The following DHCR24 variants were observed in gnomAD, a reference collection of about 807,000 sequenced individuals.
The protein encoded by DHCR24 is delta(24)-sterol reductase.
In DHCR24, 28 loss-of-function variants were observed where a neutral mutation model predicts 61.2. That is an observed-to-expected ratio of 0.46 (90% CI 0.34 to 0.63). The LOEUF (loss-of-function observed/expected upper bound fraction) is 0.63. Among genes scored for constraint, DHCR24 ranks in the 20% least tolerant of loss-of-function variants. The probability of loss-of-function intolerance (pLI) is 0.01; values close to 1 mark genes in which losing one functional copy is unlikely to be tolerated. For synonymous variants in DHCR24, 261 were observed against 275.9 expected (o/e 0.95, Z 0.54); for missense variants, 538 against 679.1 (o/e 0.79, Z 2.31).
At chr1:54,886,550 C>T in intron 1 of DHCR24, 1 of 1,297,196 alleles carries the variant, frequency 7.7e-7, no homozygotes, top group South Asian at 1.2e-5. Context: ...ACTTCCCAAT[C>T]TCTAGACCCA....
At chr1:54,871,227 G>C (rs1646996755) in intron 5 of DHCR24, 123 bp downstream of exon 5, 3 of 1,133,688 alleles carry the variant, frequency 2.6e-6, no homozygotes, top group South Asian at 1.3e-5. Context: ...TACCCCAGGT[G>C]GGTTGACCCA....
chr1:54,865,571 C>T, intron 5 of DHCR24, 125 bp from the exon 6 acceptor site: 2 of 1,302,734 alleles, frequency 1.5e-6, no homozygotes, highest in Non-Finnish European at 2.2e-6. Flanking sequence ...ATGTCTATTA[C>T]TGCCTTTGAG....
At position 54,854,121 on chromosome 1, in the gene DHCR24, G is replaced by A. The variant is rs770715776; in HGVS notation, c.1134C>T (p.Tyr378=). The part of the protein sequence containing the change: ...LTQGETLRKL[Y]EQHHVVQDML... ...TGTCCTGCACCACGTGGTGCTGCTCGTACAGCTTGCGCAGGGTCTCACCCT... is the reference window on the plus strand; with the variant it reads ...TGTCCTGCACCACGTGGTGCTGCTCATACAGCTTGCGCAGGGTCTCACCCT... Residue 378 remains tyrosine, a synonymous_variant, in exon 7 of 9, where the codon TAC becomes TAT. Transcript: ENST00000371269. 1.6e-5 allele frequency: 26 copies of A among 1,613,958 alleles called. No homozygotes were observed. The highest frequency in any genetic ancestry group is 3.3e-5 in the Admixed American group (2 of 59,994).
In DHCR24 at chr1:54,852,079, TGGAAGCCAGGAGGAA is replaced by T; in HGVS notation, c.*139_*153del. On this transcript the variant is annotated 3_prime_UTR_variant, in exon 9 of 9. Coordinates refer to ENST00000371269, the MANE Select transcript of DHCR24 (RefSeq NM_014762.4). ...CTTTCCATTCCACTGGGCTGCCCCC[TGGAAGCCAGGAGGAA>T]GGTGGTGTTGGGCTGTCAGGGTGGG... 1.2e-6 allele frequency: 1 copy of T among 868,656 alleles called. No individual in the cohort carries two copies. The highest frequency in any genetic ancestry group is 1.8e-6 in the Non-Finnish European group (1 of 565,216). 53.8% of individuals were successfully genotyped at this position (868,656 alleles called of 1,614,324 possible). A position where few individuals can be genotyped will look rare whatever the true frequency, so the allele number is the denominator to read the frequency against.
In DHCR24 at chr1:54,875,093, C is replaced by T. The variant is rs534498691; in HGVS notation, c.612G>A (p.Pro204=). ...LADGSFVRCT[P]SENSDLFYAV... ...GGACATCTCCCATTGCTGAACTCAC[C>T]GGAGTGCATCGCACAAAGCTGCCAT... The change falls in exon 4 of 9, where the codon CCG becomes CCA. Residue 204 remains proline (P), a splice_region_variant and synonymous_variant. Coordinates refer to ENST00000371269, the MANE Select transcript of DHCR24 (RefSeq NM_014762.4). 46 of 1,613,506 alleles carry T rather than the reference C, an allele frequency of 2.9e-5. No individual in the cohort carries two copies. The highest frequency in any genetic ancestry group is 2.0e-4 in the South Asian group (18 of 91,066).
intron 4 of DHCR24, among the ~76,000 whole-genome samples, chr1:54,872,603 C>G (rs2101570937): frequency 1.3e-5 from 2 of 152,268 alleles, no homozygotes; most frequent in South Asian, 4.2e-4. Context: ...TAATCACATT[C>G]TCCTGGCCAT....
intron 8 of DHCR24, 116 bp from the exon 9 acceptor site, chr1:54,852,502 T>C: frequency 1.8e-6 from 2 of 1,141,804 alleles, no homozygotes; most frequent in Non-Finnish European, 2.6e-6. Context: ...ATTTCTCTTG[T>C]TTAACCCCGT....
At chr1:54,864,224 C>G (rs1646955500) in intron 6 of DHCR24, among the ~76,000 whole-genome samples, 2 of 152,146 alleles carry the variant, frequency 1.3e-5, no homozygotes, top group Non-Finnish European at 2.9e-5. Flanking sequence ...GAACTGAAAA[C>G]AAGTATTCAA....
At chr1:54,866,651 C>A (rs780483738) in intron 5 of DHCR24, among the ~76,000 whole-genome samples, 1 of 139,606 alleles carries the variant, frequency 7.2e-6, no homozygotes, top group Non-Finnish European at 1.6e-5. Context: ...CCCACCCATT[C>A]CCTTGTTGAC....
chr1:54,864,826 T>C (rs943155146), intron 6 of DHCR24, among the ~76,000 whole-genome samples: 2 of 152,080 alleles, frequency 1.3e-5, no homozygotes, highest in Non-Finnish European at 2.9e-5. Context: ...CTTCCTGACC[T>C]TCCCCCACTT....
At chr1:54,853,032 C>T (rs982446238) in intron 8 of DHCR24, among the ~76,000 whole-genome samples, 44 of 152,140 alleles carry the variant, frequency 2.9e-4, no homozygotes, top group Non-Finnish European at 1.2e-4. Context: ...TGTCCTGGGC[C>T]TCTCCGTGGT....
At position 54,887,190 on chromosome 1, in the gene DHCR24, C is replaced by T. The variant is rs983907024; in HGVS notation, c.-71G>A. The T allele has an allele frequency of 5.2e-6, 7 of 1,351,342 alleles. No homozygotes were observed. The African/African-American group carries it at 7.4e-5, about 14-fold the overall frequency. The allele number at this position is 1,351,342 out of a possible 1,614,324, so 83.7% of individuals were successfully genotyped here. Reference sequence around the variant, plus strand: ...ACTGCCGCCAGCTCCGCGCCTGGCCCGCTCTGCGCCTGTAGCCCACAGCCC... The same window carrying T: ...ACTGCCGCCAGCTCCGCGCCTGGCCTGCTCTGCGCCTGTAGCCCACAGCCC... On this transcript the variant is annotated 5_prime_UTR_variant, in exon 1 of 9. Transcript: ENST00000371269.
intron 6 of DHCR24, among the ~76,000 whole-genome samples, chr1:54,856,555 T>C (rs1646908641): frequency 6.6e-6 from 1 of 152,010 alleles, no homozygotes; most frequent in Admixed American, 6.6e-5. Context: ...TGAGCCAAGA[T>C]TGCACCATTG....
chr1:54,854,276 A>T (rs2101555756), intron 6 of DHCR24, 42 bp from the exon 7 acceptor site: 1 of 1,571,936 alleles, frequency 6.4e-7, no homozygotes, highest in Non-Finnish European at 8.7e-7. Context: ...AAAACCAACA[A>T]GGGTTGAATG....
rs1646876004 is a variant in DHCR24 at position 54,851,710 on chromosome 1, G to A, written c.*523C>T. 6.2e-6 allele frequency: 1 copy of A among 160,718 alleles called. No individual in the cohort carries two copies. Among genetic ancestry groups the A allele is most frequent in the African/African-American group, 2.4e-5 (1 of 41,532 alleles). 10.0% of individuals were successfully genotyped at this position (160,718 alleles called of 1,614,324 possible). A position where few individuals can be genotyped will look rare whatever the true frequency, so the allele number is the denominator to read the frequency against. On this transcript the variant is annotated 3_prime_UTR_variant, in exon 9 of 9. Coordinates refer to ENST00000371269, the MANE Select transcript of DHCR24 (RefSeq NM_014762.4). Reference sequence around the variant, plus strand: ...GGAAGAGCTGTCCTTCTCCTGTGAGGACCTCGTCTGGCTGATGGAGGCGAT... The same window carrying A: ...GGAAGAGCTGTCCTTCTCCTGTGAGAACCTCGTCTGGCTGATGGAGGCGAT...
chr1:54,886,967 G>A lies in DHCR24; in HGVS notation c.153C>T (p.Tyr51=). 1 of 1,613,718 alleles carries A rather than the reference G, an allele frequency of 6.2e-7. No individual in the cohort carries two copies. The highest frequency in any genetic ancestry group is 8.5e-7 in the Non-Finnish European group (1 of 1,179,726). The part of the protein sequence containing the change: ...PLSLIFDIYY[Y]VRAWVVFKLS... ...GCTTGAACACCACCCAGGCGCGCAC[G>A]TAGTAGTAGATATCGAAGATAAGCG... The change falls in exon 1 of 9, where the codon TAC becomes TAT. Residue 51 remains tyrosine, a synonymous_variant. Transcript: ENST00000371269.
chr1:54,885,881 G>C (rs964907402), intron 1 of DHCR24, among the ~76,000 whole-genome samples: 7 of 152,148 alleles, frequency 4.6e-5, no homozygotes, highest in Admixed American at 4.6e-4. Context: ...ACACGCAGAG[G>C]CTCTGGAGCC....
chr1:54,860,486 C>T (rs1646929807), intron 6 of DHCR24, among the ~76,000 whole-genome samples: 2 of 152,140 alleles, frequency 1.3e-5, no homozygotes, highest in South Asian at 2.1e-4. Context: ...GAGGTAGGGT[C>T]CCCCTGGCCC....
intron 6 of DHCR24, 46 bp from the exon 7 acceptor site, chr1:54,854,280 T>G (rs1272772651): frequency 6.4e-7 from 1 of 1,562,032 alleles, no homozygotes; most frequent in Non-Finnish European, 8.8e-7. Flanking sequence ...CCAACAAGGG[T>G]TGAATGTCTC....
Sources: gnomAD v4.1 joint callset for allele counts (sites outside exome capture counted in the v4.1 genomes callset) on GRCh38, gnomAD v4.1.1 for gene constraint, MANE v1.5 for transcripts, NCBI Gene and HGNC (gene_info 2026-07-23, HGNC 2026-07-21) for gene names.